The following ZRANB3 variants were observed in gnomAD, a reference collection of about 807,000 sequenced individuals.
The protein encoded by ZRANB3 is DNA annealing helicase and endonuclease ZRANB3.
In ZRANB3, 125 loss-of-function variants were observed where a neutral mutation model predicts 133.8. That is an observed-to-expected ratio of 0.93 (90% confidence interval 0.81 to 1.08). ZRANB3 has a LOEUF of 1.08. ZRANB3 is among the 50% of genes least tolerant of loss of function. ZRANB3 has a pLI of 0.00. For missense variants in ZRANB3, 1,229 were observed against 1,275.5 expected, an observed-to-expected ratio of 0.96 and a Z score of 0.56; for synonymous variants, 387 against 432.7, an observed-to-expected ratio of 0.89 and a Z score of 1.31.
At chr2:135,383,133 A>G (rs1686800779) in intron 3 of ZRANB3, among the ~76,000 whole-genome samples, 1 of 152,226 alleles carries the variant, frequency 6.6e-6, no homozygotes, top group Non-Finnish European at 1.5e-5. Context: ...GGCTCAAAAT[A>G]AAGGGATGGA....
At chr2:135,210,601 T>A (rs1405787066) in intron 17 of ZRANB3, among the ~76,000 whole-genome samples, 1 of 151,842 alleles carries the variant, frequency 6.6e-6, no homozygotes, top group East Asian at 1.9e-4. Context: ...AGTGCTGGAA[T>A]TACAGGTGTG....
chr2:135,202,797 G>T, intron 20 of ZRANB3, 35 bp downstream of exon 20: 1 of 1,575,048 alleles, frequency 6.3e-7, no homozygotes, highest in South Asian at 1.2e-5. Flanking sequence ...TGACTTCTCA[G>T]GATGCAGTCA....
chr2:135,371,254 C>G (rs925187786), intron 3 of ZRANB3, among the ~76,000 whole-genome samples: 1 of 152,156 alleles, frequency 6.6e-6, no homozygotes, highest in Non-Finnish European at 1.5e-5. Flanking sequence ...AAGAACATTT[C>G]ACTTAATAAA....
intron 19 of ZRANB3, among the ~76,000 whole-genome samples, chr2:135,203,629 A>G (rs1693726049): frequency 1.3e-5 from 2 of 151,872 alleles, no homozygotes; most frequent in Non-Finnish European, 2.9e-5. Context: ...AAAAAAAAAA[A>G]AAAAGAAATT....
At chr2:135,517,692 T>C (rs1216939162) in intron 1 of ZRANB3, among the ~76,000 whole-genome samples, 2 of 152,182 alleles carry the variant, frequency 1.3e-5, no homozygotes, top group Non-Finnish European at 2.9e-5. Flanking sequence ...CTGAGGTGTC[T>C]GTTGACCCCT....
intron 2 of ZRANB3, among the ~76,000 whole-genome samples, chr2:135,495,737 A>G (rs1692632574): frequency 6.6e-6 from 1 of 152,148 alleles, no homozygotes. Context: ...TTAATTTAGG[A>G]GGATGGGGTT....
intron 2 of ZRANB3, among the ~76,000 whole-genome samples, chr2:135,400,216 G>A (rs146083224): frequency 0.032 from 4,828 of 151,448 alleles, 247 homozygotes; most frequent in African/African-American, 0.11. Context: ...CTCCAGCCTG[G>A]GCAACAGAGC....
chr2:135,271,563 C>T (rs1449117433), intron 10 of ZRANB3, among the ~76,000 whole-genome samples: 2 of 152,148 alleles, frequency 1.3e-5, no homozygotes, highest in East Asian at 1.9e-4. Flanking sequence ...GACATCCTTT[C>T]CTTGAAAATT....
At chr2:135,456,813 G>A (rs917636502) in intron 2 of ZRANB3, among the ~76,000 whole-genome samples, 1 of 152,102 alleles carries the variant, frequency 6.6e-6, no homozygotes, top group African/African-American at 2.4e-5. Flanking sequence ...GACTGCCTCT[G>A]GATCTCATTC....
intron 3 of ZRANB3, among the ~76,000 whole-genome samples, chr2:135,390,198 A>G (rs1019474702): frequency 1.3e-5 from 2 of 152,164 alleles, no homozygotes; most frequent in African/African-American, 4.8e-5. Context: ...TTATTCTTAA[A>G]GACATAATGA....
At chr2:135,380,172 G>A (rs1686622796) in intron 3 of ZRANB3, among the ~76,000 whole-genome samples, 1 of 152,132 alleles carries the variant, frequency 6.6e-6, no homozygotes, top group Non-Finnish European at 1.5e-5. Flanking sequence ...CAAGTTCTCA[G>A]AGACCTACAA....
intron 8 of ZRANB3, among the ~76,000 whole-genome samples, chr2:135,286,307 T>C (rs1681361701): frequency 6.6e-6 from 1 of 152,204 alleles, no homozygotes. Flanking sequence ...AGAGGGAGTC[T>C]GGCTTTGCCA....
intron 5 of ZRANB3, among the ~76,000 whole-genome samples, chr2:135,349,596 T>C (rs1410163281): frequency 6.6e-6 from 1 of 152,202 alleles, no homozygotes; most frequent in East Asian, 1.9e-4. Context: ...ACAGAAGCTC[T>C]GAAATGCAGT....
chr2:135,279,268 A>G (rs76137628), intron 8 of ZRANB3, among the ~76,000 whole-genome samples: 3 of 152,360 alleles, frequency 2.0e-5, no homozygotes, highest in East Asian at 3.9e-4. Flanking sequence ...ATATGACTAT[A>G]AAGTCACATG....
intron 8 of ZRANB3, among the ~76,000 whole-genome samples, chr2:135,292,942 C>T (rs1346451623): frequency 2.0e-5 from 3 of 151,760 alleles, no homozygotes; most frequent in African/African-American, 7.3e-5. Context: ...CTGTTCTGTC[C>T]CATTGGTCTA....
At chr2:135,314,419 A>G (rs1045912232) in intron 7 of ZRANB3, among the ~76,000 whole-genome samples, 3 of 152,212 alleles carry the variant, frequency 2.0e-5, no homozygotes, top group Non-Finnish European at 4.4e-5. Flanking sequence ...ATATTGCTCA[A>G]TGTTTACAAA....
chr2:135,246,881 T>C (rs1695824621), intron 12 of ZRANB3, among the ~76,000 whole-genome samples: 1 of 152,224 alleles, frequency 6.6e-6, no homozygotes, highest in African/African-American at 2.4e-5. Context: ...TTTTTCACCA[T>C]AGCAAACTAC....
At chr2:135,289,431 G>C (rs1179098229) in intron 8 of ZRANB3, among the ~76,000 whole-genome samples, 1 of 151,940 alleles carries the variant, frequency 6.6e-6, no homozygotes, top group Non-Finnish European at 1.5e-5. Flanking sequence ...AATTTTTGCA[G>C]TTTTAGTAGC....
intron 1 of ZRANB3, among the ~76,000 whole-genome samples, chr2:135,528,026 A>T (rs1205390933): frequency 6.6e-6 from 1 of 152,186 alleles, no homozygotes; most frequent in Non-Finnish European, 1.5e-5. Flanking sequence ...ACGTTGAAGG[A>T]TTAATAAAAA....
Sources: allele counts gnomAD v4.1 joint callset (sites outside exome capture counted in the v4.1 genomes callset), GRCh38; gene constraint gnomAD v4.1.1; transcripts MANE v1.5; gene names NCBI Gene and HGNC (gene_info 2026-07-23, HGNC 2026-07-21).